The following TMTC2 variants were observed in gnomAD, a reference collection of about 807,000 sequenced individuals.
The protein encoded by TMTC2 is transmembrane O-mannosyltransferase targeting cadherins 2, also known as protein O-mannosyl-transferase TMTC2.
A neutral mutation model predicts 82.4 loss-of-function variants in TMTC2; 43 were observed. The observed-to-expected ratio is 0.52, with a 90% CI of 0.41 to 0.67. The LOEUF is 0.67. Among genes scored for constraint, TMTC2 ranks in the 30% least tolerant of loss-of-function variants. The pLI is 0.00. For missense variants in TMTC2, 919 were observed against 1,012.4 expected (o/e 0.91, Z 1.25); for synonymous variants, 408 against 381.9 (o/e 1.07, Z -0.80).
chr12:82,763,249 GAAGACAGA>G (rs1303986151), intron 1 of TMTC2, among the ~76,000 whole-genome samples: 3 of 117,308 alleles, frequency 2.6e-5, no homozygotes, highest in African/African-American at 8.9e-5. Context: ...AAACTGAATA[GAAGACAGA>G]AAGACAGAAA....
intron 11 of TMTC2, among the ~76,000 whole-genome samples, chr12:83,093,239 G>A (rs777011699): frequency 6.6e-6 from 1 of 152,100 alleles, no homozygotes; most frequent in Non-Finnish European, 1.5e-5. Context: ...CACATAAGAT[G>A]CACAGCAATA....
intron 11 of TMTC2, among the ~76,000 whole-genome samples, chr12:83,111,747 C>T (rs1016184987): frequency 3.9e-5 from 6 of 152,014 alleles, no homozygotes; most frequent in Non-Finnish European, 8.8e-5. Flanking sequence ...TGAGTAATTA[C>T]ATCATAAATG....
At chr12:83,023,425 G>C (rs1209277122) in intron 8 of TMTC2, among the ~76,000 whole-genome samples, 1 of 152,230 alleles carries the variant, frequency 6.6e-6, no homozygotes. Flanking sequence ...AACTCAGTCT[G>C]TTGCAGTCTT....
intron 1 of TMTC2, among the ~76,000 whole-genome samples, chr12:82,815,403 C>T (rs150367221): frequency 4.0e-5 from 6 of 151,864 alleles, no homozygotes; most frequent in South Asian, 4.2e-4. Context: ...CTCTGCCTCC[C>T]GAGTTGACGC....
rs2137021350 is a variant in TMTC2, at chr12:82,790,332, T to C, written c.84-66678T>C. 2.0e-5 allele frequency among the ~76,000 whole-genome samples: 3 copies of C among 152,244 alleles called. No individual in the cohort carries two copies. The South Asian group carries it at 6.2e-4, about 32-fold the overall frequency. On this transcript the variant is annotated intron_variant, in intron 1 of 11. Coordinates refer to ENST00000321196, the MANE Select transcript of TMTC2 (RefSeq NM_152588.3). ...GGCCTGTAGGAGTTGGTTCTGTCTCTGTTTACAGTTTACTGTCCCTCTTTG... is the reference window on the plus strand; with the variant it reads ...GGCCTGTAGGAGTTGGTTCTGTCTCCGTTTACAGTTTACTGTCCCTCTTTG...
intron 8 of TMTC2, among the ~76,000 whole-genome samples, chr12:83,007,958 C>T (rs1213594661): frequency 6.6e-6 from 1 of 152,076 alleles, no homozygotes; most frequent in Non-Finnish European, 1.5e-5. Flanking sequence ...TCTCTTCTTG[C>T]TTGATGGTTT....
chr12:82,974,966 A>G (rs1349940556), intron 7 of TMTC2, among the ~76,000 whole-genome samples: 1 of 152,076 alleles, frequency 6.6e-6, no homozygotes, highest in African/African-American at 2.4e-5. Flanking sequence ...TCTAGATTTT[A>G]TGCCCTGCTG....
Position 83,132,774 on chromosome 12 carries a change from G to C in TMTC2, c.*385G>C, listed in dbSNP as rs1885305080. 1 of 191,996 alleles carries C rather than the reference G, an allele frequency of 5.2e-6. No individual in the cohort carries two copies. The highest frequency in any genetic ancestry group is 6.4e-5 in the Admixed American group (1 of 15,700). The allele number at this position is 191,996 out of a possible 1,614,324, so 11.9% of individuals were successfully genotyped here. On this transcript the variant is annotated 3_prime_UTR_variant, in exon 12 of 12. Transcript: ENST00000321196. The stretch of plus-strand genomic sequence containing the variant: ...GAGAGGAAGTCAGAGTGTCCATTCA[G>C]GCATGGCAAACAATTAGGGTTAAGT...
At chr12:83,051,043 C>A in intron 10 of TMTC2, 25 bp downstream of exon 10, 1 of 1,558,226 alleles carries the variant, frequency 6.4e-7, no homozygotes. Flanking sequence ...TGCTGTGCCT[C>A]AAAGCCTAGG....
intron 1 of TMTC2, among the ~76,000 whole-genome samples, chr12:82,773,462 C>CTT (rs1156750613): frequency 4.6e-4 from 60 of 129,828 alleles, no homozygotes; most frequent in African/African-American, 1.4e-3. Context: ...AGTGATATTT[C>CTT]TTTTTTTTTT....
At chr12:82,703,261 A>T (rs530478090) in intron 1 of TMTC2, among the ~76,000 whole-genome samples, 1 of 152,184 alleles carries the variant, frequency 6.6e-6, no homozygotes, top group South Asian at 2.1e-4. Context: ...TTGGAGTTGG[A>T]TGGGAAGGTG....
At chr12:82,832,361 G>A (rs780280186) in intron 1 of TMTC2, among the ~76,000 whole-genome samples, 1 of 146,192 alleles carries the variant, frequency 6.8e-6, no homozygotes, top group Admixed American at 6.8e-5. Flanking sequence ...TTTTTTTGAC[G>A]CAAAGTTCCT....
intron 1 of TMTC2, among the ~76,000 whole-genome samples, chr12:82,734,359 T>A (rs959108321): frequency 6.6e-6 from 1 of 152,164 alleles, no homozygotes; most frequent in Non-Finnish European, 1.5e-5. Flanking sequence ...ATCCAGTTCC[T>A]TGTGATTGTA....
chr12:82,721,569 C>T (rs1348462377), intron 1 of TMTC2, among the ~76,000 whole-genome samples: 3 of 152,050 alleles, frequency 2.0e-5, no homozygotes, highest in Non-Finnish European at 4.4e-5. Context: ...GAAAAAGACC[C>T]ACTACATCCA....
intron 11 of TMTC2, among the ~76,000 whole-genome samples, chr12:83,094,391 T>C (rs562346618): frequency 3.3e-5 from 5 of 152,292 alleles, no homozygotes; most frequent in African/African-American, 1.2e-4. Flanking sequence ...CCACTCTATA[T>C]TGTCAGAATA....
Position 83,132,325 on chromosome 12 carries a change from A to G in TMTC2, c.2447A>G (p.Gln816Arg), listed in dbSNP as rs756709336. Residue 816 changes from glutamine to arginine, a missense_variant, in exon 12 of 12, where the codon CAG becomes CGG. Physicochemically the swap from Gln to Arg is conservative, Grantham distance 43. Coordinates refer to ENST00000321196, the MANE Select transcript of TMTC2 (RefSeq NM_152588.3). Reference sequence around the variant, plus strand: ...CTCAAGCCAGACGATGTCATCACACAGTCCAATCTCCGCAAACTGTGGAAC... The same window carrying G: ...CTCAAGCCAGACGATGTCATCACACGGTCCAATCTCCGCAAACTGTGGAAC... Reference protein sequence around the residue: ...LQLKPDDVITQSNLRKLWNIM... With the variant: ...LQLKPDDVITRSNLRKLWNIM... 3 of 1,614,124 alleles carry G rather than the reference A, an allele frequency of 1.9e-6. No homozygotes were observed. The highest frequency in any genetic ancestry group is 1.1e-5 in the South Asian group (1 of 91,062).
rs532159337 is a variant in TMTC2 at position 82,999,887 on chromosome 12, A to T, written c.2070+13841A>T. On this transcript the variant is annotated intron_variant, in intron 8 of 11. Transcript: ENST00000321196. ...ATGTCTTCACATTTCAAAACCAATC[A>T]TGCCTTCCCAACAGTCTCCCAAAGT... 3.9e-4 allele frequency among the ~76,000 whole-genome samples: 60 copies of T among 152,252 alleles called. 1 individual carries two copies. The highest frequency in any genetic ancestry group is 1.0e-4 in the Non-Finnish European group (7 of 68,014).
chr12:82,796,245 G>A (rs1342689617), intron 1 of TMTC2, among the ~76,000 whole-genome samples: 1 of 152,108 alleles, frequency 6.6e-6, no homozygotes, highest in Non-Finnish European at 1.5e-5. Flanking sequence ...AAAGCATTGA[G>A]AACTAGTGAG....
At chr12:82,735,011 C>A (rs971607887) in intron 1 of TMTC2, among the ~76,000 whole-genome samples, 1 of 152,156 alleles carries the variant, frequency 6.6e-6, no homozygotes, top group Non-Finnish European at 1.5e-5. Flanking sequence ...GTCTGAGATT[C>A]ATTGCAGGTT....
Sources: gnomAD v4.1 joint callset for allele counts (sites outside exome capture counted in the v4.1 genomes callset) on GRCh38, gnomAD v4.1.1 for gene constraint, MANE v1.5 for transcripts, NCBI Gene and HGNC (gene_info 2026-07-23, HGNC 2026-07-21) for gene names.